RP1L1: variants seen among roughly 807,000 people sequenced by gnomAD.
RP1L1 encodes retinitis pigmentosa 1-like 1 protein.
RP1L1 carries 27 observed loss-of-function variants against 15.7 expected under a neutral mutation model. The ratio of observed to expected loss-of-function variants is 1.72; its 90% CI spans 1.27 to 2.38. The LOEUF is 2.38. Among genes scored for constraint, RP1L1 ranks in the 30% most tolerant of loss-of-function variants. The pLI is 0.00. For synonymous variants in RP1L1, 1,813 were observed against 1,276.7 expected (o/e 1.42, Z -8.96); for missense variants, 4,798 against 3,075.9 (o/e 1.56, Z -13.24).
intron 1 of RP1L1, among the ~76,000 whole-genome samples, chr8:10,633,839 A>C (rs1179855485): frequency 6.6e-6 from 1 of 152,192 alleles, no homozygotes; most frequent in Non-Finnish European, 1.5e-5. Context: ...ATCTCCACAT[A>C]GTTCCATGAG....
intron 2 of RP1L1, among the ~76,000 whole-genome samples, 162 bp downstream of exon 2, chr8:10,622,431 G>C (rs548768542): frequency 6.6e-6 from 1 of 151,764 alleles, no homozygotes; most frequent in Non-Finnish European, 1.5e-5. Flanking sequence ...GCTGCTTGTT[G>C]ATTTATTGAC....
intron 1 of RP1L1, among the ~76,000 whole-genome samples, chr8:10,629,669 T>C (rs2117238670): frequency 6.6e-6 from 1 of 152,284 alleles, no homozygotes; most frequent in South Asian, 2.1e-4. Flanking sequence ...GAGGTTTATT[T>C]TCTTCTCACA....
At chr8:10,614,362 G>A (rs780461653) in intron 3 of RP1L1, among the ~76,000 whole-genome samples, 1 of 152,136 alleles carries the variant, frequency 6.6e-6, no homozygotes, top group Non-Finnish European at 1.5e-5. Context: ...CAAAGGAGTG[G>A]CTCTAAGAAA....
intron 3 of RP1L1, among the ~76,000 whole-genome samples, chr8:10,614,915 A>ATAATAT (rs1180680105): frequency 6.6e-6 from 1 of 152,224 alleles, no homozygotes; most frequent in East Asian, 1.9e-4. Flanking sequence ...CCTAAAACTT[A>ATAATAT]AAGTATAATA....
Position 10,616,561 on chromosome 8 carries a change from G to A in RP1L1, c.636C>T (p.His212=). ...CGGCACACACCAGCACAGAGGGGCT[G>A]TGCAGCAGGGCCTGCAGCGAGTCCA... The part of the protein sequence containing the change: ...KKVDSLQALL[H]SPSVLVCAGH... The change falls in exon 3 of 4, where the codon CAC becomes CAT. Residue 212 remains histidine (H), a synonymous_variant. Transcript: ENST00000382483. 1 of 1,613,628 alleles carries A rather than the reference G, an allele frequency of 6.2e-7. No homozygotes were observed. Among genetic ancestry groups the A allele is most frequent in the Non-Finnish European group, 8.5e-7 (1 of 1,180,008 alleles).
At position 10,607,192 on chromosome 8, in the gene RP1L1, T is replaced by A. The variant is rs1297750989; in HGVS notation, c.6906A>T (p.Arg2302Ser). 10 of 1,614,222 alleles carry A rather than the reference T, an allele frequency of 6.2e-6. No homozygotes were observed. Among genetic ancestry groups the A allele is most frequent in the Non-Finnish European group, 8.5e-6 (10 of 1,180,034 alleles). The change falls in exon 4 of 4, where the codon AGA becomes AGT. Residue 2302 changes from arginine (R) to serine (S), a missense_variant. Coordinates refer to ENST00000382483, the MANE Select transcript of RP1L1 (RefSeq NM_178857.6). ...PGSQTGPSSS[R>S]ASSWGNCWQK... is the part of the protein sequence containing the mutation. ...GCCAGCAGTTGCCCCAAGAGGATGC[T>A]CTGGAGGAGGAAGGGCCTGTTTGGG...
At chr8:10,636,970 G>C (rs555103834) in intron 1 of RP1L1, among the ~76,000 whole-genome samples, 2 of 152,194 alleles carry the variant, frequency 1.3e-5, no homozygotes, top group African/African-American at 2.4e-5. Context: ...TCCCTGCCCT[G>C]AGGCCCTGAC....
At chr8:10,645,632 G>T (rs1798465483) in intron 1 of RP1L1, among the ~76,000 whole-genome samples, 1 of 152,126 alleles carries the variant, frequency 6.6e-6, no homozygotes, top group South Asian at 2.1e-4. Context: ...CACTGCCATG[G>T]GCACGTCCTG....
At chr8:10,623,380 A>C (rs1214829218) in intron 1 of RP1L1, among the ~76,000 whole-genome samples, 160 bp from the exon 2 acceptor site, 1 of 152,186 alleles carries the variant, frequency 6.6e-6, no homozygotes, top group Non-Finnish European at 1.5e-5. Context: ...AGAAGGAAGG[A>C]CAAAAGTTGG....
At position 10,611,880 on chromosome 8, in the gene RP1L1, C is replaced by G; in HGVS notation, c.2218G>C (p.Val740Leu). The G allele has an allele frequency of 6.2e-7, 1 of 1,613,880 alleles. No homozygotes were observed. The highest frequency in any genetic ancestry group is 8.5e-7 in the Non-Finnish European group (1 of 1,180,036). The change falls in exon 4 of 4, where the codon GTC becomes CTC. Residue 740 changes from valine to leucine, a missense_variant. Coordinates refer to ENST00000382483, the MANE Select transcript of RP1L1 (RefSeq NM_178857.6). ...AAATCCGAGTGGACTGCAGGGGTGA[C>G]AGTGGCACTGCTGGTTCCCAGAAGG... ...QDLLGTSSAT[V>L]TPAVHSDFVS...
intron 1 of RP1L1, among the ~76,000 whole-genome samples, chr8:10,650,865 C>G (rs1185161792): frequency 6.6e-6 from 1 of 152,222 alleles, no homozygotes; most frequent in South Asian, 2.1e-4. Flanking sequence ...CCACACTCAG[C>G]TGACTCTGTA....
intron 2 of RP1L1, among the ~76,000 whole-genome samples, chr8:10,620,111 C>A (rs542607689): frequency 1.3e-5 from 2 of 152,286 alleles, no homozygotes; most frequent in Non-Finnish European, 2.9e-5. Context: ...GTCTACAACA[C>A]CTGTGACCTC....
At chr8:10,640,242 T>A (rs550788960) in intron 1 of RP1L1, among the ~76,000 whole-genome samples, 10 of 152,238 alleles carry the variant, frequency 6.6e-5, no homozygotes, top group Non-Finnish European at 1.5e-4. Flanking sequence ...TCAGGCCTCG[T>A]CTACCTCACT....
chr8:10,652,863 C>G (rs987624666), intron 1 of RP1L1, among the ~76,000 whole-genome samples: 5 of 152,120 alleles, frequency 3.3e-5, no homozygotes, highest in Admixed American at 3.3e-4. Flanking sequence ...TAGTGGAGCT[C>G]TGAACAGAGC....
chr8:10,625,081 G>C (rs1389049154), intron 1 of RP1L1, among the ~76,000 whole-genome samples: 1 of 152,218 alleles, frequency 6.6e-6, no homozygotes. Flanking sequence ...CGGACTGAGG[G>C]TGAACAATCA....
chr8:10,614,078 T>A (rs1009180390), intron 3 of RP1L1, among the ~76,000 whole-genome samples: 2 of 152,346 alleles, frequency 1.3e-5, no homozygotes, highest in South Asian at 4.1e-4. Flanking sequence ...ATGGCAGACT[T>A]GGCAGGCAGA....
At chr8:10,639,537 T>C (rs1326698418) in intron 1 of RP1L1, among the ~76,000 whole-genome samples, 2 of 152,096 alleles carry the variant, frequency 1.3e-5, no homozygotes, top group African/African-American at 4.8e-5. Context: ...CATACCCGGC[T>C]AATTTTTGAA....
intron 1 of RP1L1, among the ~76,000 whole-genome samples, chr8:10,629,142 C>G (rs11986177): frequency 8.8e-4 from 134 of 152,218 alleles, no homozygotes; most frequent in African/African-American, 3.1e-3. Flanking sequence ...ATAATAAAAC[C>G]CAGGACAGGT....
chr8:10,612,528 T>C lies in RP1L1; in HGVS notation c.1570A>G (p.Arg524Gly), dbSNP rs771327365. The change falls in exon 4 of 4, where the codon AGG (arginine) becomes GGG (glycine). Residue 524 changes from arginine (R) to glycine (G), a missense_variant. Coordinates refer to ENST00000382483, the MANE Select transcript of RP1L1 (RefSeq NM_178857.6). ...GAAGCCCCCTCCTCACTCCGGGCCC[T>C]CGGTGTCAGGCGGCCGCCTTGCTCT... Reference protein sequence around the residue: ...GPEQGGRLTPRARSEEGASSD... With the variant: ...GPEQGGRLTPGARSEEGASSD... 2 of 1,610,606 alleles carry C rather than the reference T, an allele frequency of 1.2e-6. No individual in the cohort carries two copies. The highest frequency in any genetic ancestry group is 1.7e-6 in the Non-Finnish European group (2 of 1,179,444).
Sources: gnomAD v4.1 joint callset for allele counts (sites outside exome capture counted in the v4.1 genomes callset) on GRCh38, gnomAD v4.1.1 for gene constraint, MANE v1.5 for transcripts, NCBI Gene and HGNC (gene_info 2026-07-23, HGNC 2026-07-21) for gene names.